The following ZNF614 variants were observed in gnomAD, a reference collection of about 807,000 sequenced individuals.
ZNF614 encodes the protein zinc finger protein 614.
A neutral mutation model predicts 12.8 loss-of-function variants in ZNF614; 11 were observed. The observed-to-expected ratio is 0.86, with a 90% CI of 0.54 to 1.43. ZNF614 has a LOEUF of 1.43. ZNF614 is among the 40% of genes most tolerant of loss of function. The probability of loss-of-function intolerance (pLI) is 0.00; values close to 1 mark genes in which losing one functional copy is unlikely to be tolerated. For synonymous variants in ZNF614, 237 were observed against 237.5 expected, an observed-to-expected ratio of 1.00 and a Z score of 0.02; for missense variants, 664 against 708.8, an observed-to-expected ratio of 0.94 and a Z score of 0.72.
chr19:52,013,408 A>G lies in ZNF614; in HGVS notation c.*2432T>C, dbSNP rs2086878144. 4.3e-6 allele frequency: 1 copy of G among 233,644 alleles called. No homozygotes were observed. The highest frequency in any genetic ancestry group is 2.4e-5 in the African/African-American group (1 of 42,176). The allele number at this position is 233,644 out of a possible 1,614,324, so 14.5% of individuals were successfully genotyped here. On this transcript the variant is annotated 3_prime_UTR_variant, in exon 5 of 5. Transcript: ENST00000270649. ...CTCATAGGTGAATGGATAAACTACT[A>G]CATCAAATATGTATACTACTCTCAA...
At position 52,025,864 on chromosome 19, in the gene ZNF614, G is replaced by T; in HGVS notation, c.-119C>A. On this transcript the variant is annotated 5_prime_UTR_variant, in exon 2 of 5. Coordinates refer to ENST00000270649, the MANE Select transcript of ZNF614 (RefSeq NM_025040.4). Reference sequence around the variant, plus strand: ...GAAATATTAGTGTCCACTTAAAGTTGTCCCCAGAAATTATGATATCCAAGG... The same window carrying T: ...GAAATATTAGTGTCCACTTAAAGTTTTCCCCAGAAATTATGATATCCAAGG... 9.1e-7 allele frequency: 1 copy of T among 1,093,192 alleles called. No homozygotes were observed. Among genetic ancestry groups the T allele is most frequent in the Non-Finnish European group, 1.3e-6 (1 of 745,654 alleles). The allele number at this position is 1,093,192 out of a possible 1,614,324, so 67.7% of individuals were successfully genotyped here.
Position 52,014,538 on chromosome 19 carries a change from T to C in ZNF614, c.*1302A>G, listed in dbSNP as rs1347883217. The C allele has an allele frequency of 6.6e-6, 1 of 152,168 alleles. No individual in the cohort carries two copies. The highest frequency in any genetic ancestry group is 1.5e-5 in the Non-Finnish European group (1 of 68,042). The allele number at this position is 152,168 out of a possible 1,614,324, so 9.4% of individuals were successfully genotyped here. ...CAAAACTCAAGAAAACAGCGTACTTTGTTTTACTGGTTATAAAGGACGCAA... is the reference window on the plus strand; with the variant it reads ...CAAAACTCAAGAAAACAGCGTACTTCGTTTTACTGGTTATAAAGGACGCAA... On this transcript the variant is annotated 3_prime_UTR_variant, in exon 5 of 5. Transcript: ENST00000270649.
At chr19:52,026,835 C>T (rs376521764) in intron 1 of ZNF614, among the ~76,000 whole-genome samples, 50 of 152,266 alleles carry the variant, frequency 3.3e-4, no homozygotes, top group African/African-American at 1.0e-3. Flanking sequence ...TTTATTGTAC[C>T]GAAATGTTTG....
Position 52,016,988 on chromosome 19 carries a change from G to A in ZNF614, c.610C>T (p.Pro204Ser). ...TGCTCACATTCAATGCATGCATGGG[G>A]TTTCTCAATTTTCTGAGTCCTCTGA... is the stretch of plus-strand genomic sequence containing the variant. ...KHQRTQKIEK[P>S]HACIECEQTF... is the part of the protein sequence containing the mutation. Residue 204 changes from proline (P) to serine (S), a missense_variant, in exon 5 of 5, where the codon CCC becomes TCC. Physicochemically the swap from Pro to Ser is moderately conservative, Grantham distance 74 (BLOSUM62 -1). Transcript: ENST00000270649. 6.2e-7 allele frequency: 1 copy of A among 1,614,138 alleles called. No individual in the cohort carries two copies. Among genetic ancestry groups the A allele is most frequent in the South Asian group, 1.1e-5 (1 of 91,082 alleles).
intron 2 of ZNF614, among the ~76,000 whole-genome samples, chr19:52,022,680 A>G (rs577254450): frequency 6.6e-6 from 1 of 152,200 alleles, no homozygotes; most frequent in Non-Finnish European, 1.5e-5. Context: ...CTGGCTATAA[A>G]TTAGAGGCTC....
At position 52,017,218 on chromosome 19, in the gene ZNF614, T is replaced by C. The variant is rs1486080377; in HGVS notation, c.380A>G (p.His127Arg). 1 of 1,614,176 alleles carries C rather than the reference T, an allele frequency of 6.2e-7. No individual in the cohort carries two copies. Among genetic ancestry groups the C allele is most frequent in the Non-Finnish European group, 8.5e-7 (1 of 1,180,030 alleles). Residue 127 changes from histidine (H) to arginine (R), a missense_variant, in exon 5 of 5, where the codon CAT becomes CGT. Coordinates refer to ENST00000270649, the MANE Select transcript of ZNF614 (RefSeq NM_025040.4). The part of the protein sequence containing the change: ...SKTHFPIVQN[H>R]DTFDLYRKNL... Reference sequence around the variant, plus strand: ...TTTTCTGTACAAGTCAAATGTATCATGATTTTGCACTATAGGAAAATGTGT... The same window carrying C: ...TTTTCTGTACAAGTCAAATGTATCACGATTTTGCACTATAGGAAAATGTGT...
Position 52,015,869 on chromosome 19 carries a change from C to A in ZNF614, c.1729G>T (p.Gly577Ter). 1 of 1,613,302 alleles carries A rather than the reference C, an allele frequency of 6.2e-7. No individual in the cohort carries two copies. The highest frequency in any genetic ancestry group is 1.1e-5 in the South Asian group (1 of 90,940). ...RISQVENSCN[G>*]ESQLLPYK The stretch of plus-strand genomic sequence containing the variant: ...TTATAAGGAAGGAGCTGTGACTCTC[C>A]ATTACAGGAGTTTTCAACTTGACTG... Residue 577 changes from glycine (G) to a stop codon, truncating the protein, a stop_gained, in exon 5 of 5, where the codon GGA becomes TGA. Coordinates refer to ENST00000270649, the MANE Select transcript of ZNF614 (RefSeq NM_025040.4). LOFTEE classifies it low-confidence loss of function (END_TRUNC).
At position 52,016,541 on chromosome 19, in the gene ZNF614, T is replaced by A; in HGVS notation, c.1057A>T (p.Thr353Ser). 6.2e-7 allele frequency: 1 copy of A among 1,614,116 alleles called. No individual in the cohort carries two copies. The highest frequency in any genetic ancestry group is 1.6e-4 in the Middle Eastern group (1 of 6,062). Residue 353 changes from threonine (T) to serine (S), a missense_variant, in exon 5 of 5, where the codon ACC becomes TCC. By Grantham distance (58) the Thr-to-Ser change is moderately conservative (BLOSUM62 1). Coordinates refer to ENST00000270649, the MANE Select transcript of ZNF614 (RefSeq NM_025040.4). ...YICSECGKGFTMKRYLVVHQR... is the reference protein window; with the variant it reads ...YICSECGKGFSMKRYLVVHQR... ...TGTACAACAAGATAGCGCTTCATGG[T>A]GAAGCCTTTTCCACATTCACTGCAT...
At chr19:52,017,389 CA>C (rs768700786) in intron 4 of ZNF614, 30 bp from the exon 5 acceptor site, 37 of 1,551,132 alleles carry the variant, frequency 2.4e-5, no homozygotes, top group Non-Finnish European at 3.0e-5. Flanking sequence ...CAAATTCTTC[CA>C]TGAGAATTGT....
In ZNF614 at chr19:52,024,898, C is replaced by T. The variant is rs111367356; in HGVS notation, c.15+833G>A. 4.9e-3 allele frequency among the ~76,000 whole-genome samples: 744 copies of T among 152,196 alleles called. 8 individuals carry two copies. The highest frequency in any genetic ancestry group is 0.016 in the African/African-American group (678 of 41,496). On this transcript the variant is annotated intron_variant, in intron 2 of 4. Transcript: ENST00000270649. ...ACCTGACCGTCCCCCAGCATGACAC[C>T]GGGGGATACCCGTAAAGGGTCTGTG...
At position 52,017,399 on chromosome 19, in the gene ZNF614, G is replaced by C. The variant is rs2086906378; in HGVS notation, c.239-40C>G. 6 of 1,535,924 alleles carry C rather than the reference G, an allele frequency of 3.9e-6. No homozygotes were observed. In the East Asian group the frequency reaches 1.4e-4, roughly 35 times the overall value. On this transcript the variant is annotated intron_variant, in intron 4 of 4. Coordinates refer to ENST00000270649, the MANE Select transcript of ZNF614 (RefSeq NM_025040.4). ...AGTAACAAATTCTTCCATGAGAATT[G>C]TATGAGATAAAAATGCTTATGAGGC...
At chr19:52,026,216 AAAAG>A (rs1416049155) in intron 1 of ZNF614, among the ~76,000 whole-genome samples, 2 of 152,176 alleles carry the variant, frequency 1.3e-5, no homozygotes, top group Non-Finnish European at 2.9e-5. Flanking sequence ...GTGTCTGGGG[AAAAG>A]AAAGAGAGAT....
chr19:52,025,418 T>G (rs2123129115), intron 2 of ZNF614, among the ~76,000 whole-genome samples: 1 of 152,224 alleles, frequency 6.6e-6, no homozygotes, highest in South Asian at 2.1e-4. Flanking sequence ...CCTCCTGAGC[T>G]CTAGCAATTC....
intron 2 of ZNF614, among the ~76,000 whole-genome samples, chr19:52,024,392 A>G (rs1322870387): frequency 6.6e-6 from 1 of 152,162 alleles, no homozygotes; most frequent in Non-Finnish European, 1.5e-5. Context: ...CTAGACAATT[A>G]GTGTCAGAAT....
chr19:52,020,834 AC>A (rs2086928739), intron 2 of ZNF614, among the ~76,000 whole-genome samples: 1 of 152,210 alleles, frequency 6.6e-6, no homozygotes, highest in East Asian at 1.9e-4. Flanking sequence ...GACACTCATA[AC>A]TTGGGTAATT....
chr19:52,016,516 T>C lies in ZNF614; in HGVS notation c.1082A>G (p.His361Arg). The C allele has an allele frequency of 3.1e-6, 5 of 1,614,134 alleles. No individual in the cohort carries two copies. The highest frequency in any genetic ancestry group is 4.2e-6 in the Non-Finnish European group (5 of 1,179,952). Residue 361 changes from histidine (H) to arginine (R), a missense_variant, in exon 5 of 5, where the codon CAT becomes CGT. His to Arg is a conservative substitution (Grantham distance 29). Coordinates refer to ENST00000270649, the MANE Select transcript of ZNF614 (RefSeq NM_025040.4). ...TTTCTCTCCAGTATGAGTTCGCTGA[T>C]GTACAACAAGATAGCGCTTCATGGT... ...GFTMKRYLVVHQRTHTGEKPY... is the reference protein window; with the variant it reads ...GFTMKRYLVVRQRTHTGEKPY...
rs757222317 is a variant in ZNF614 at position 52,018,114 on chromosome 19, G to C, written c.143-11C>G. ...TGCTAGTTTGATACCCTGTTCATGA[G>C]GAAAGACAAACACAAACATCCTGAA... On this transcript the variant is annotated splice_polypyrimidine_tract_variant and intron_variant, in intron 3 of 4. Transcript: ENST00000270649. 6.2e-7 allele frequency: 1 copy of C among 1,610,850 alleles called. No homozygotes were observed. The highest frequency in any genetic ancestry group is 8.5e-7 in the Non-Finnish European group (1 of 1,177,310).
rs1032131318 is a variant in ZNF614 at position 52,013,386 on chromosome 19, A to G, written c.*2454T>C. On this transcript the variant is annotated 3_prime_UTR_variant, in exon 5 of 5. Coordinates refer to ENST00000270649, the MANE Select transcript of ZNF614 (RefSeq NM_025040.4). ...CAGGAAAACAGTGCAAATATATCTC[A>G]TAGGTGAATGGATAAACTACTACAT... 3.8e-6 allele frequency: 1 copy of G among 261,474 alleles called. No individual in the cohort carries two copies. Among genetic ancestry groups the G allele is most frequent in the Non-Finnish European group, 7.6e-6 (1 of 131,400 alleles). The allele number at this position is 261,474 out of a possible 1,614,324, so 16.2% of individuals were successfully genotyped here. A position where few individuals can be genotyped will look rare whatever the true frequency, so the allele number is the denominator to read the frequency against.
rs201610313 is a variant in ZNF614 at position 52,017,235 on chromosome 19, A to G, written c.363T>C (p.Phe121=). ...ATGTATCATGATTTTGCACTATAGG[A>G]AAATGTGTCTTGCTGAGATGTACAA... The part of the protein sequence containing the change: ...RNIVHLSKTH[F]PIVQNHDTFD... Residue 121 remains phenylalanine, a synonymous_variant, in exon 5 of 5, where the codon TTT becomes TTC. Transcript: ENST00000270649. 6.2e-6 allele frequency: 10 copies of G among 1,614,112 alleles called. No individual in the cohort carries two copies. The East Asian group carries it at 2.2e-4, about 36-fold the overall frequency.
Sources: allele counts gnomAD v4.1 joint callset (sites outside exome capture counted in the v4.1 genomes callset), GRCh38; gene constraint gnomAD v4.1.1; transcripts MANE v1.5; gene names NCBI Gene and HGNC (gene_info 2026-07-23, HGNC 2026-07-21).